The following KCND3 variants were observed in gnomAD, a reference collection of about 807,000 sequenced individuals.
The protein encoded by KCND3 is A-type voltage-gated potassium channel KCND3.
KCND3 carries 9 observed loss-of-function variants against 51.1 expected under a neutral mutation model. The observed-to-expected ratio is 0.18, with a 90% CI of 0.11 to 0.31. The LOEUF is 0.31. KCND3 is among the 10% of genes least tolerant of loss of function. KCND3 has a pLI of 1.00. For missense variants in KCND3, 526 were observed against 903.8 expected (o/e 0.58, Z 5.36); for synonymous variants, 349 against 368.0 (o/e 0.95, Z 0.59).
At chr1:111,922,427 G>T (rs1671513336) in intron 2 of KCND3, among the ~76,000 whole-genome samples, 1 of 152,186 alleles carries the variant, frequency 6.6e-6, no homozygotes, top group Non-Finnish European at 1.5e-5. Context: ...AGTTATTCCT[G>T]TACTTTTATT....
intron 2 of KCND3, among the ~76,000 whole-genome samples, chr1:111,882,161 T>G (rs1453436325): frequency 6.6e-6 from 1 of 152,188 alleles, no homozygotes; most frequent in East Asian, 1.9e-4. Flanking sequence ...TTTCTCTGTC[T>G]GTTTAATGAG....
intron 6 of KCND3, 119 bp from the exon 7 acceptor site, chr1:111,777,392 G>T: frequency 2.8e-6 from 3 of 1,066,824 alleles, no homozygotes; most frequent in Non-Finnish European, 1.4e-6. Context: ...GCTCCCAGCT[G>T]CCCGGATCAC....
At chr1:111,937,658 G>C (rs777120310) in intron 2 of KCND3, among the ~76,000 whole-genome samples, 6 of 152,148 alleles carry the variant, frequency 3.9e-5, no homozygotes, top group Non-Finnish European at 8.8e-5. Context: ...CATCAGAGAG[G>C]GACGAGGCCA....
At chr1:111,872,448 T>A (rs907700956) in intron 2 of KCND3, among the ~76,000 whole-genome samples, 4 of 152,246 alleles carry the variant, frequency 2.6e-5, no homozygotes, top group Admixed American at 2.6e-4. Flanking sequence ...TGAACCTTTT[T>A]ATCATTAACA....
intron 2 of KCND3, among the ~76,000 whole-genome samples, chr1:111,919,843 G>A (rs569118013): frequency 2.0e-5 from 3 of 152,274 alleles, no homozygotes; most frequent in East Asian, 3.9e-4. Context: ...GATTCAAACC[G>A]ATTTGAAACA....
At chr1:111,805,643 AAAAACCAAACTCCTT>A (rs926015797) in intron 2 of KCND3, among the ~76,000 whole-genome samples, 79 of 152,334 alleles carry the variant, frequency 5.2e-4, no homozygotes, top group African/African-American at 1.9e-3. Flanking sequence ...AACTTTAGGG[AAAAACCAAACTCCTT>A]GAGAACAAGA....
chr1:111,906,374 A>ACCCACTGTCCATGTAAAGTTC lies in KCND3; in HGVS notation c.1106+75226_1106+75246dup, dbSNP rs1553176390. On this transcript the variant is annotated intron_variant, in intron 2 of 7. Coordinates refer to ENST00000302127, the MANE Select transcript of KCND3 (RefSeq NM_001378969.1). ...GCAACATCCAGCCCATGTTGTAAGG[A>ACCCACTGTCCATGTAAAGTTC]CCCACTGTCCATGTAAAGTTCCCCA... Among the ~76,000 whole-genome samples, 19 of 152,270 alleles carry ACCCACTGTCCATGTAAAGTTC rather than the reference A, an allele frequency of 1.2e-4. No homozygotes were observed. The South Asian group carries it at 3.3e-3, about 27-fold the overall frequency.
chr1:111,794,681 G>A (rs1460589681), intron 2 of KCND3, among the ~76,000 whole-genome samples: 1 of 152,188 alleles, frequency 6.6e-6, no homozygotes, highest in Non-Finnish European at 1.5e-5. Flanking sequence ...TCAGACCTCT[G>A]TGGCTTCCTC....
intron 2 of KCND3, among the ~76,000 whole-genome samples, chr1:111,918,512 TG>T (rs917592006): frequency 6.6e-6 from 1 of 152,016 alleles, no homozygotes; most frequent in East Asian, 1.9e-4. Context: ...CATAGCCTTG[TG>T]GGGAGCAACA....
In KCND3 at chr1:111,934,875, GA is replaced by G. The variant is rs200420903; in HGVS notation, c.1106+46745del. Among the ~76,000 whole-genome samples, 1,421 of 152,320 alleles carry G rather than the reference GA, an allele frequency of 9.3e-3. 15 individuals carry two copies. The highest frequency in any genetic ancestry group is 0.033 in the African/African-American group (1,364 of 41,568). On this transcript the variant is annotated intron_variant, in intron 2 of 7. Coordinates refer to ENST00000302127, the MANE Select transcript of KCND3 (RefSeq NM_001378969.1). ...TACTAATAGTATCTAAGTCATGTGA[GA>G]CTGCTGTGATTATTAAACAAGTTAA...
chr1:111,879,902 C>T (rs575617224), intron 2 of KCND3, among the ~76,000 whole-genome samples: 1 of 152,272 alleles, frequency 6.6e-6, no homozygotes, highest in African/African-American at 2.4e-5. Context: ...GGTTCAATCC[C>T]AGCTCTAACA....
chr1:111,961,350 A>G (rs1416197961), intron 2 of KCND3, among the ~76,000 whole-genome samples: 1 of 152,134 alleles, frequency 6.6e-6, no homozygotes, highest in Non-Finnish European at 1.5e-5. Context: ...TGACCAACTC[A>G]TCCCTGATAA....
intron 3 of KCND3, among the ~76,000 whole-genome samples, chr1:111,782,806 T>C (rs1006015644): frequency 2.6e-5 from 4 of 152,188 alleles, no homozygotes; most frequent in African/African-American, 9.7e-5. Flanking sequence ...AAGCAACAGA[T>C]TGTCATATCA....
intron 2 of KCND3, among the ~76,000 whole-genome samples, chr1:111,841,478 C>T (rs4839175): frequency 0.1 from 15,362 of 152,260 alleles, 1,338 homozygotes; most frequent in East Asian, 0.42. Flanking sequence ...CTGAGGCTTG[C>T]TGGGCAACTC....
intron 2 of KCND3, among the ~76,000 whole-genome samples, chr1:111,813,799 C>A (rs763964066): frequency 2.9e-4 from 44 of 152,246 alleles, no homozygotes; most frequent in Non-Finnish European, 2.6e-4. Flanking sequence ...CCTGTGGCAG[C>A]TGGGATTCCT....
chr1:111,849,591 C>T (rs776013048), intron 2 of KCND3, among the ~76,000 whole-genome samples: 3 of 152,168 alleles, frequency 2.0e-5, no homozygotes, highest in Non-Finnish European at 1.5e-5. Context: ...TGGGGGAAGC[C>T]GAGGAGTCCA....
intron 2 of KCND3, among the ~76,000 whole-genome samples, chr1:111,932,264 C>T (rs753274408): frequency 3.2e-4 from 49 of 152,182 alleles, no homozygotes; most frequent in Non-Finnish European, 4.9e-4. Context: ...AACATATCCA[C>T]GGGAGCAGGG....
chr1:111,777,105 G>T lies in KCND3; in HGVS notation c.1687C>A (p.Pro563Thr). The change falls in exon 7 of 8, where the codon CCA (proline) becomes ACA (threonine). Residue 563 changes from proline (P) to threonine (T), a missense_variant. This residue lies in a region of KCND3 where 266 missense variants were observed against 305.5 expected (regional missense o/e 0.87). Transcript: ENST00000302127. ...TGCATGCTGCGCAGGCGAGTAGCTG[G>T]CAGGTTAGAATTGGGCAGGTGTGTG... ...KTTHLPNSNL[P>T]ATRLRSMQEL... 1 of 1,614,120 alleles carries T rather than the reference G, an allele frequency of 6.2e-7. No individual in the cohort carries two copies. Among genetic ancestry groups the T allele is most frequent in the Non-Finnish European group, 8.5e-7 (1 of 1,179,986 alleles).
At chr1:111,974,420 A>G (rs1026984679) in intron 2 of KCND3, among the ~76,000 whole-genome samples, 1 of 151,760 alleles carries the variant, frequency 6.6e-6, no homozygotes, top group Non-Finnish European at 1.5e-5. Flanking sequence ...CACTTAAGGT[A>G]TGAGTATTTG....
Sources: gnomAD v4.1 joint callset for allele counts (sites outside exome capture counted in the v4.1 genomes callset) on GRCh38, gnomAD v4.1.1 for gene constraint, gnomAD v4.1.1 regional missense constraint, MANE v1.5 for transcripts, NCBI Gene and HGNC (gene_info 2026-07-23, HGNC 2026-07-21) for gene names.